USP28: variants seen among roughly 807,000 people sequenced by gnomAD.
The protein encoded by USP28 is ubiquitin carboxyl-terminal hydrolase 28.
USP28 carries 113 observed loss-of-function variants against 145.0 expected under a neutral mutation model. The observed-to-expected ratio is 0.78, with a 90% CI of 0.67 to 0.91. USP28 has a LOEUF of 0.91. Among genes scored for constraint, USP28 ranks in the 40% least tolerant of loss-of-function variants. USP28 has a pLI of 0.00. For synonymous variants in USP28, 447 were observed against 450.9 expected, an observed-to-expected ratio of 0.99 and a Z score of 0.11; for missense variants, 1,201 against 1,289.6, an observed-to-expected ratio of 0.93 and a Z score of 1.05.
intron 18 of USP28, among the ~76,000 whole-genome samples, chr11:113,807,352 G>C (rs887447681): frequency 1.3e-5 from 2 of 151,608 alleles, no homozygotes; most frequent in Non-Finnish European, 2.9e-5. Flanking sequence ...GGGATTATAG[G>C]CGTAAACCTC....
intron 10 of USP28, among the ~76,000 whole-genome samples, chr11:113,827,801 A>C (rs1943546247): frequency 6.6e-6 from 1 of 152,248 alleles, no homozygotes; most frequent in Admixed American, 6.5e-5. Context: ...CCAGCTAAAA[A>C]GACTCATATG....
At chr11:113,826,336 CATTTTTTTTTTTTT>C (rs1427821548) in intron 11 of USP28, among the ~76,000 whole-genome samples, 5 of 115,186 alleles carry the variant, frequency 4.3e-5, no homozygotes, top group African/African-American at 1.3e-4. Context: ...CCACCACACC[CATTTTTTTTTTTTT>C]TTTTTTTTTT....
chr11:113,803,604 CATCTA>C (rs1214384754), intron 22 of USP28, among the ~76,000 whole-genome samples, 189 bp downstream of exon 23: 1 of 152,156 alleles, frequency 6.6e-6, no homozygotes, highest in Non-Finnish European at 1.5e-5. Flanking sequence ...GCAGCTAATA[CATCTA>C]ATCATTTGAA....
chr11:113,838,137 C>G lies in USP28; in HGVS notation c.534+2461G>C, dbSNP rs192828906. Among the ~76,000 whole-genome samples, 5 of 152,330 alleles carry G rather than the reference C, an allele frequency of 3.3e-5. No homozygotes were observed. The East Asian group carries it at 9.6e-4, about 29-fold the overall frequency. On this transcript the variant is annotated intron_variant, in intron 5 of 24. Coordinates refer to ENST00000003302, the Ensembl canonical transcript of USP28. ...TTTCTATGCTGTCTGCTCATGCTGTCCCAGAAGCCTTACTCAGCTATCTTC... is the reference window on the plus strand; with the variant it reads ...TTTCTATGCTGTCTGCTCATGCTGTGCCAGAAGCCTTACTCAGCTATCTTC...
At chr11:113,839,485 T>C (rs1214393266) in intron 5 of USP28, among the ~76,000 whole-genome samples, 1 of 152,098 alleles carries the variant, frequency 6.6e-6, no homozygotes, top group Non-Finnish European at 1.5e-5. Context: ...CTTGGGAGGC[T>C]GAGGCAAGAG....
At chr11:113,863,704 G>A (rs1436213956) in intron 1 of USP28, among the ~76,000 whole-genome samples, 1 of 151,812 alleles carries the variant, frequency 6.6e-6, no homozygotes, top group African/African-American at 2.4e-5. Context: ...CCAGCACTTT[G>A]GGAGGCTGAG....
chr11:113,811,912 G>C (rs1298013777), intron 16 of USP28, among the ~76,000 whole-genome samples: 1 of 151,980 alleles, frequency 6.6e-6, no homozygotes, highest in Non-Finnish European at 1.5e-5. Flanking sequence ...AAAATATAGA[G>C]ATTGCTAAAT....
At chr11:113,799,190 G>A (rs1445405145) in exon 25 of USP28, 1 of 1,576,334 alleles carries the variant, frequency 6.3e-7, no homozygotes, top group Non-Finnish European at 8.6e-7. Flanking sequence ...GAACTTCTGT[G>A]CAAGAGGCAG....
At chr11:113,808,261 C>T (rs191243689) in intron 18 of USP28, 37 bp downstream of exon 18, 22 of 1,597,236 alleles carry the variant, frequency 1.4e-5, no homozygotes, top group East Asian at 6.7e-5. Context: ...GCTGAAAGCC[C>T]GGCTCTCCTG....
intron 3 of USP28, among the ~76,000 whole-genome samples, chr11:113,847,119 T>G (rs1945946969): frequency 6.6e-6 from 1 of 152,158 alleles, no homozygotes; most frequent in African/African-American, 2.4e-5. Context: ...TAGGTAACAA[T>G]CATCAATGGC....
chr11:113,821,143 C>A, intron 12 of USP28: 1 of 233,614 alleles, frequency 4.3e-6, no homozygotes, highest in South Asian at 7.1e-5. Context: ...TGTCCACCAC[C>A]ATCTTCCCTG....
intron 24 of USP28, 87 bp from the exon 26 acceptor site, chr11:113,799,502 A>G: frequency 7.1e-7 from 1 of 1,415,202 alleles, no homozygotes; most frequent in East Asian, 2.3e-5. Context: ...CCCTTACCTA[A>G]CCTCAAAGGT....
At chr11:113,810,427 G>T (rs970326251) in intron 16 of USP28, among the ~76,000 whole-genome samples, 31 of 152,312 alleles carry the variant, frequency 2.0e-4, no homozygotes, top group Admixed American at 5.2e-4. Context: ...CCATTAATCA[G>T]CCTTTTCACT....
chr11:113,816,040 G>A lies in USP28; in HGVS notation c.1464-658C>T, dbSNP rs145001146. Among the ~76,000 whole-genome samples, 314 of 152,194 alleles carry A rather than the reference G, an allele frequency of 2.1e-3. 2 individuals are homozygous for A. The highest frequency in any genetic ancestry group is 7.0e-3 in the African/African-American group (291 of 41,518). On this transcript the variant is annotated intron_variant, in intron 13 of 24. Coordinates refer to ENST00000003302, the Ensembl canonical transcript of USP28. ...AAAATATAAATCTTAAGTTCTTTACGTCTTTTCTGTAAACTAACAGAGAAT... is the reference window on the plus strand; with the variant it reads ...AAAATATAAATCTTAAGTTCTTTACATCTTTTCTGTAAACTAACAGAGAAT...
rs1939497577 is a variant in USP28, at chr11:113,803,955, ATTACAAATAT to A, written c.2659-88_2659-79del. Reference sequence around the variant, plus strand: ...TCCTTCCCATCTAAGTTTTAAATTCATTACAAATATTTACTGAGCACATCTGGCTAGCCAC... The same window carrying A: ...TCCTTCCCATCTAAGTTTTAAATTCATTACTGAGCACATCTGGCTAGCCAC... On this transcript the variant is annotated intron_variant, in intron 21 of 24. Transcript: ENST00000003302. 9 of 1,311,970 alleles carry A rather than the reference ATTACAAATAT, an allele frequency of 6.9e-6. No individual in the cohort carries two copies. The East Asian group carries it at 2.1e-4, about 31-fold the overall frequency. 81.3% of individuals were successfully genotyped at this position (1,311,970 alleles called of 1,614,324 possible).
exon 25 of USP28, chr11:113,799,358 TCTG>T: frequency 2.5e-6 from 4 of 1,614,238 alleles, no homozygotes; most frequent in Non-Finnish European, 3.4e-6. Flanking sequence ...GACGATGATT[TCTG>T]CAGAAGGATC....
At chr11:113,870,388 G>A (rs2137154877) in intron 1 of USP28, among the ~76,000 whole-genome samples, 1 of 152,054 alleles carries the variant, frequency 6.6e-6, no homozygotes, top group Admixed American at 6.5e-5. Context: ...ACAGCCAAGT[G>A]CGGTGATGCA....
intron 5 of USP28, among the ~76,000 whole-genome samples, chr11:113,836,467 T>G (rs963162686): frequency 5.9e-5 from 9 of 152,086 alleles, no homozygotes; most frequent in African/African-American, 2.2e-4. Context: ...CAGCTCCTTC[T>G]AAGTACCTCG....
At chr11:113,873,429 C>T (rs1230653835) in intron 1 of USP28, among the ~76,000 whole-genome samples, 4 of 152,176 alleles carry the variant, frequency 2.6e-5, no homozygotes, top group Non-Finnish European at 4.4e-5. Context: ...CCAAGCCTTC[C>T]CAAAATAGCT....
Sources: allele counts gnomAD v4.1 joint callset (sites outside exome capture counted in the v4.1 genomes callset), GRCh38; gene constraint gnomAD v4.1.1; transcripts MANE v1.5; gene names NCBI Gene and HGNC (gene_info 2026-07-23, HGNC 2026-07-21).